ADSS1: variants seen among roughly 807,000 people sequenced by gnomAD.
ADSS1 encodes the protein adenylosuccinate synthetase isozyme 1.
A neutral mutation model predicts 59.1 loss-of-function variants in ADSS1; 57 were observed. The observed-to-expected ratio is 0.97, with a 90% confidence interval of 0.78 to 1.20. The LOEUF (loss-of-function observed/expected upper bound fraction) is 1.20. ADSS1 is among the 50% of genes most tolerant of loss of function. The pLI is 0.00. For missense variants in ADSS1, 603 were observed against 610.3 expected (o/e 0.99, Z 0.13); for synonymous variants, 247 against 249.4 (o/e 0.99, Z 0.09).
chr14:104,737,130 C>T (rs142433623), intron 2 of ADSS1: 11 of 152,126 alleles, frequency 7.2e-5, no homozygotes, highest in African/African-American at 2.7e-4. Flanking sequence ...TGGGTTCACA[C>T]TTGGTGCTGT....
At chr14:104,735,679 G>A (rs901035183) in intron 2 of ADSS1, among the ~76,000 whole-genome samples, 3 of 152,070 alleles carry the variant, frequency 2.0e-5, no homozygotes, top group Non-Finnish European at 2.9e-5. Context: ...CTTCCACATC[G>A]CCTGCCCCCT....
chr14:104,743,899 C>T (rs576171544), intron 10 of ADSS1, among the ~76,000 whole-genome samples: 1 of 152,370 alleles, frequency 6.6e-6, no homozygotes, highest in Admixed American at 6.5e-5. Context: ...AGCCTCATCA[C>T]GTGCTAGGGC....
At chr14:104,732,720 C>A (rs761862117) in intron 1 of ADSS1, among the ~76,000 whole-genome samples, 1 of 152,224 alleles carries the variant, frequency 6.6e-6, no homozygotes. Flanking sequence ...CCTGCCCCCC[C>A]GCCCAGGCGG....
chr14:104,728,872 C>G lies in ADSS1; in HGVS notation c.192+4410C>G, dbSNP rs962607156. On this transcript the variant is annotated intron_variant, in intron 1 of 12. Transcript: ENST00000330877. ...AGGTGCAAACAGCCACTCCACTGTCCCCTCCTCCCCAAGCCTGCATGAGAG... is the reference window on the plus strand; with the variant it reads ...AGGTGCAAACAGCCACTCCACTGTCGCCTCCTCCCCAAGCCTGCATGAGAG... Among the ~76,000 whole-genome samples the G allele has an allele frequency of 9.2e-5, 14 of 152,298 alleles. 1 individual carries two copies. The highest frequency in any genetic ancestry group is 3.4e-3 in the Middle Eastern group (1 of 294).
Position 104,746,968 on chromosome 14 carries a change from G to A in ADSS1, c.1339G>A (p.Gly447Ser). The change falls in exon 13 of 13, where the codon GGC becomes AGC. Residue 447 changes from glycine (G) to serine (S), a missense_variant. Transcript: ENST00000330877. The part of the protein sequence containing the change: ...VGVAVKWVGV[G>S]KSRESMIQLF ...TCTCTCAGTCAAATGGGTTGGTGTT[G>A]GCAAGTCAAGAGAGTCGATGATCCA... 6.2e-7 allele frequency: 1 copy of A among 1,614,096 alleles called. No individual in the cohort carries two copies. Among genetic ancestry groups the A allele is most frequent in the Non-Finnish European group, 8.5e-7 (1 of 1,179,958 alleles).
chr14:104,730,240 C>T, intron 1 of ADSS1: 4 of 1,461,992 alleles, frequency 2.7e-6, no homozygotes, highest in Non-Finnish European at 3.6e-6. Context: ...ACATCTGTAA[C>T]TCCAGCACTT....
At chr14:104,744,779 C>T in intron 10 of ADSS1, 33 bp from the exon 11 acceptor site, 4 of 1,608,558 alleles carry the variant, frequency 2.5e-6, no homozygotes, top group South Asian at 2.2e-5. Flanking sequence ...CTGACCACTT[C>T]TTGGGTTTGC....
intron 10 of ADSS1, 38 bp from the exon 11 acceptor site, chr14:104,744,774 C>G (rs767255978): frequency 6.9e-6 from 11 of 1,601,516 alleles, no homozygotes; most frequent in African/African-American, 2.7e-5. Context: ...CACTGCTGAC[C>G]ACTTCTTGGG....
chr14:104,728,676 G>T (rs1890790108), intron 1 of ADSS1, among the ~76,000 whole-genome samples: 2 of 152,194 alleles, frequency 1.3e-5, no homozygotes, highest in Non-Finnish European at 2.9e-5. Flanking sequence ...AGTGCCAAGA[G>T]GTTGGGCCCA....
chr14:104,741,586 C>A (rs1891359069), intron 8 of ADSS1, among the ~76,000 whole-genome samples: 3 of 152,284 alleles, frequency 2.0e-5, no homozygotes, highest in Admixed American at 6.5e-5. Flanking sequence ...TACCCTCACC[C>A]CCGAGGCGGC....
rs1891299110 is a variant in ADSS1 at position 104,740,367 on chromosome 14, A to G, written c.477-234A>G. ...CCCACGCAAATGCACAAAAGTACAC[A>G]CAGCCACACATGCACACACTCCACA... On this transcript the variant is annotated intron_variant, in intron 5 of 12. Transcript: ENST00000330877. The surrounding 1 kb of genome is among the most constrained non-coding windows in gnomAD (Gnocchi z 4.8). Among the ~76,000 whole-genome samples, 1 of 149,152 alleles carries G rather than the reference A, an allele frequency of 6.7e-6. No individual in the cohort carries two copies. Among genetic ancestry groups the G allele is most frequent in the South Asian group, 2.1e-4 (1 of 4,816 alleles).
At chr14:104,743,957 T>C (rs1891466769) in intron 10 of ADSS1, among the ~76,000 whole-genome samples, 2 of 152,148 alleles carry the variant, frequency 1.3e-5, no homozygotes, top group South Asian at 4.1e-4. Flanking sequence ...GACCCATCCA[T>C]AGCCTGCTGC....
chr14:104,746,106 T>TG, intron 11 of ADSS1, 130 bp from the exon 12 acceptor site: 1 of 1,265,602 alleles, frequency 7.9e-7, no homozygotes. Flanking sequence ...CGTGCCCACT[T>TG]GCTGCCTTCC....
chr14:104,729,782 C>T (rs1890843679), intron 1 of ADSS1: 3 of 315,492 alleles, frequency 9.5e-6, no homozygotes, highest in South Asian at 1.0e-4. Context: ...AGGAGCGTGG[C>T]GTCGGCGTCG....
Position 104,740,925 on chromosome 14 carries a change from A to C in ADSS1, c.666+5A>C, listed in dbSNP as rs773954704. On this transcript the variant is annotated splice_donor_5th_base_variant and intron_variant, in intron 7 of 12. Coordinates refer to ENST00000330877, the MANE Select transcript of ADSS1 (RefSeq NM_152328.5). This position sits in a 1 kb window ranked among gnomAD's most constrained non-coding sequence, Gnocchi z 4.8. Reference sequence around the variant, plus strand: ...GGCCAACTCAAAAGGCTCAAGGTGAAGTCGGGGCCGCAGTGTGGGGGCTGC... The same window carrying C: ...GGCCAACTCAAAAGGCTCAAGGTGACGTCGGGGCCGCAGTGTGGGGGCTGC... 1 of 1,613,920 alleles carries C rather than the reference A, an allele frequency of 6.2e-7. No homozygotes were observed. The highest frequency in any genetic ancestry group is 1.1e-5 in the South Asian group (1 of 91,074).
intron 1 of ADSS1, among the ~76,000 whole-genome samples, chr14:104,734,729 G>A (rs932341496): frequency 1.3e-5 from 2 of 152,184 alleles, no homozygotes; most frequent in African/African-American, 4.8e-5. Context: ...GCTCCAGAGC[G>A]GGGCCCGCAG....
chr14:104,738,694 G>A (rs1043606459), intron 3 of ADSS1, among the ~76,000 whole-genome samples: 1 of 152,248 alleles, frequency 6.6e-6, no homozygotes, highest in African/African-American at 2.4e-5. Flanking sequence ...GAAGGAGCCA[G>A]GGACCTGGAC....
chr14:104,746,453 G>A (rs1298578208), intron 12 of ADSS1, 68 bp downstream of exon 12: 30 of 1,537,506 alleles, frequency 2.0e-5, no homozygotes, highest in Non-Finnish European at 2.4e-5. Context: ...ACATCCCAGC[G>A]CAGGGCTTGG....
At chr14:104,728,695 A>T (rs1344019170) in intron 1 of ADSS1, among the ~76,000 whole-genome samples, 1 of 152,158 alleles carries the variant, frequency 6.6e-6, no homozygotes, top group Non-Finnish European at 1.5e-5. Flanking sequence ...CAGGAGCCTC[A>T]CGGCCTCTGA....
Sources: gnomAD v4.1 joint callset for allele counts (sites outside exome capture counted in the v4.1 genomes callset) on GRCh38, gnomAD v4.1.1 for gene constraint, Gnocchi (gnomAD v3.1) non-coding constraint, MANE v1.5 for transcripts, NCBI Gene and HGNC (gene_info 2026-07-23, HGNC 2026-07-21) for gene names.